Variants in ADGRL2 observed in about 807,000 individuals in gnomAD.
The protein encoded by ADGRL2 is calcium-independent alpha-latrotoxin receptor 2.
A neutral mutation model predicts 157.4 loss-of-function variants in ADGRL2; 44 were observed. The observed-to-expected ratio is 0.28, with a 90% confidence interval of 0.22 to 0.36. The LOEUF is 0.36. Ranked by LOEUF, ADGRL2 falls within the 10% of genes least tolerant of loss-of-function variation. ADGRL2 has a pLI of 1.00. For synonymous variants in ADGRL2, 585 were observed against 624.7 expected, an observed-to-expected ratio of 0.94 and a Z score of 0.95; for missense variants, 1,510 against 1,768.9, an observed-to-expected ratio of 0.85 and a Z score of 2.63.
In ADGRL2 at chr1:81,361,905, A is replaced by G. The variant is rs1055051512; in HGVS notation, c.-302+55396A>G. ...TATAGATTTTTTTCCTCCCCCATTC[A>G]ATAACCCTCTGTTCCAGTAGCATAC... On this transcript the variant is annotated intron_variant, in intron 1 of 24. Transcript: ENST00000370721. Among the ~76,000 whole-genome samples, 194 of 152,012 alleles carry G rather than the reference A, an allele frequency of 1.3e-3. 1 individual carries two copies. Among genetic ancestry groups the G allele is most frequent in the African/African-American group, 4.3e-3 (180 of 41,514 alleles).
intron 1 of ADGRL2, among the ~76,000 whole-genome samples, chr1:81,322,874 T>C (rs1398456611): frequency 6.6e-6 from 1 of 152,164 alleles, no homozygotes; most frequent in East Asian, 1.9e-4. Context: ...TGTTTGTTTG[T>C]TGAGACACGG....
intron 1 of ADGRL2, among the ~76,000 whole-genome samples, chr1:81,314,914 A>G (rs568194055): frequency 6.6e-6 from 1 of 152,306 alleles, no homozygotes; most frequent in Admixed American, 6.5e-5. Flanking sequence ...ATTGATACAT[A>G]TATTGACATT....
intron 1 of ADGRL2, among the ~76,000 whole-genome samples, chr1:81,817,071 C>CT (rs1197959063): frequency 6.6e-6 from 1 of 151,676 alleles, no homozygotes; most frequent in African/African-American, 2.4e-5. Flanking sequence ...GTTATACCCT[C>CT]TAAGTAATTT....
chr1:81,737,336 C>A (rs2084935182), intron 1 of ADGRL2, among the ~76,000 whole-genome samples: 1 of 152,198 alleles, frequency 6.6e-6, no homozygotes, highest in Non-Finnish European at 1.5e-5. Context: ...GAAGAGGAAG[C>A]AGGCGTGTCT....
chr1:81,517,075 A>G (rs2079195062), intron 2 of ADGRL2, among the ~76,000 whole-genome samples: 1 of 152,168 alleles, frequency 6.6e-6, no homozygotes, highest in Admixed American at 6.5e-5. Flanking sequence ...ATTCTGCTAC[A>G]AGTAACAACA....
intron 3 of ADGRL2, among the ~76,000 whole-genome samples, chr1:81,606,966 C>CCAAAAG (rs1380639229): frequency 1.3e-5 from 2 of 152,136 alleles, no homozygotes; most frequent in Admixed American, 6.5e-5. Flanking sequence ...GACTCTAAAA[C>CCAAAAG]CAAAAGCAAC....
At chr1:81,769,386 G>C (rs1056214340) in intron 2 of ADGRL2, among the ~76,000 whole-genome samples, 5 of 152,120 alleles carry the variant, frequency 3.3e-5, no homozygotes, top group Admixed American at 2.0e-4. Flanking sequence ...TGTATGCTGT[G>C]AGTAGTAATA....
intron 17 of ADGRL2, among the ~76,000 whole-genome samples, chr1:81,977,656 T>A (rs1292478690): frequency 6.6e-6 from 1 of 151,810 alleles, no homozygotes; most frequent in African/African-American, 2.4e-5. Context: ...ATAAATTTTA[T>A]ACATTGTAGT....
chr1:81,616,625 T>C (rs1252356163), intron 3 of ADGRL2, among the ~76,000 whole-genome samples: 3 of 151,748 alleles, frequency 2.0e-5, no homozygotes, highest in African/African-American at 4.8e-5. Context: ...TACTCATTAG[T>C]ATCCACTTCT....
intron 3 of ADGRL2, among the ~76,000 whole-genome samples, chr1:81,912,219 G>A (rs548566251): frequency 4.0e-5 from 6 of 151,768 alleles, no homozygotes; most frequent in South Asian, 2.1e-4. Context: ...TTATAGGCGC[G>A]CACCACTGTG....
At chr1:81,454,503 T>C (rs2077763189) in intron 2 of ADGRL2, among the ~76,000 whole-genome samples, 1 of 152,128 alleles carries the variant, frequency 6.6e-6, no homozygotes, top group South Asian at 2.1e-4. Flanking sequence ...CATCAAAAAT[T>C]CAAGGCTTAC....
intron 2 of ADGRL2, among the ~76,000 whole-genome samples, chr1:81,769,476 C>T (rs2086267314): frequency 6.6e-6 from 1 of 152,032 alleles, no homozygotes; most frequent in South Asian, 2.1e-4. Flanking sequence ...CAAAGCTAGA[C>T]TTTTTATGAA....
intron 11 of ADGRL2, among the ~76,000 whole-genome samples, chr1:81,957,767 T>G (rs1654018672): frequency 1.3e-5 from 2 of 152,134 alleles, no homozygotes; most frequent in South Asian, 2.1e-4. Context: ...ATGTTGATCT[T>G]TTTTCATTTT....
intron 3 of ADGRL2, among the ~76,000 whole-genome samples, chr1:81,604,411 C>T (rs2148646667): frequency 6.6e-6 from 1 of 152,296 alleles, no homozygotes; most frequent in East Asian, 1.9e-4. Context: ...TTGAAAACCT[C>T]CCAGGTTAGA....
intron 3 of ADGRL2, among the ~76,000 whole-genome samples, chr1:81,648,735 T>C (rs2082358244): frequency 6.6e-6 from 1 of 152,188 alleles, no homozygotes; most frequent in African/African-American, 2.4e-5. Context: ...GCCTCAGATT[T>C]CATTCTAACC....
chr1:81,954,105 A>AT (rs1352903968), intron 10 of ADGRL2, among the ~76,000 whole-genome samples: 1 of 152,108 alleles, frequency 6.6e-6, no homozygotes, highest in African/African-American at 2.4e-5. Flanking sequence ...AATCTATAGA[A>AT]TTTTTTTAAA....
intron 2 of ADGRL2, among the ~76,000 whole-genome samples, chr1:81,769,935 C>T (rs906033761): frequency 2.6e-5 from 4 of 151,904 alleles, no homozygotes; most frequent in African/African-American, 9.7e-5. Context: ...ACGATCTTAG[C>T]TCACTGCAAC....
chr1:81,686,473 G>A (rs900661501), intron 3 of ADGRL2, among the ~76,000 whole-genome samples: 9 of 152,186 alleles, frequency 5.9e-5, no homozygotes, highest in African/African-American at 1.9e-4. Context: ...GGTGGTGTCA[G>A]TTGTAATATC....
At chr1:81,795,118 G>C (rs2087523737) in intron 2 of ADGRL2, among the ~76,000 whole-genome samples, 1 of 152,140 alleles carries the variant, frequency 6.6e-6, no homozygotes, top group African/African-American at 2.4e-5. Context: ...AGGTCCAGGA[G>C]CGATGGTCCG....
Sources: gnomAD v4.1 joint callset for allele counts (sites outside exome capture counted in the v4.1 genomes callset) on GRCh38, gnomAD v4.1.1 for gene constraint, MANE v1.5 for transcripts, NCBI Gene and HGNC (gene_info 2026-07-23, HGNC 2026-07-21) for gene names.